The following COBL variants were observed in gnomAD, a reference collection of about 807,000 sequenced individuals.
COBL encodes the protein protein cordon-bleu.
A neutral mutation model predicts 98.8 loss-of-function variants in COBL; 51 were observed. That is an observed-to-expected ratio of 0.52 (90% CI 0.41 to 0.65). COBL has a LOEUF of 0.65. COBL is among the 30% of genes least tolerant of loss of function. The probability of loss-of-function intolerance (pLI) is 0.00; values close to 1 mark genes in which losing one functional copy is unlikely to be tolerated. For synonymous variants in COBL, 634 were observed against 651.7 expected (o/e 0.97, Z 0.41); for missense variants, 1,617 against 1,617.5 (o/e 1.00, Z 0.01).
intron 1 of COBL, among the ~76,000 whole-genome samples, chr7:51,296,197 T>C (rs915238887): frequency 6.6e-6 from 1 of 152,302 alleles, no homozygotes; most frequent in Non-Finnish European, 1.5e-5. Flanking sequence ...GGGACACCCA[T>C]GATATCAGCA....
intron 6 of COBL, among the ~76,000 whole-genome samples, chr7:51,119,480 G>A (rs944008691): frequency 1.3e-5 from 2 of 152,182 alleles, no homozygotes; most frequent in Non-Finnish European, 1.5e-5. Flanking sequence ...AAGGAGGAGG[G>A]AGCGAAGCTG....
intron 1 of COBL, among the ~76,000 whole-genome samples, chr7:51,314,094 T>C (rs925889280): frequency 6.6e-6 from 1 of 152,254 alleles, no homozygotes; most frequent in African/African-American, 2.4e-5. Context: ...AACTACCTGT[T>C]AATAATTTAG....
intron 1 of COBL, among the ~76,000 whole-genome samples, chr7:51,236,929 A>G (rs1795312857): frequency 6.6e-6 from 1 of 152,156 alleles, no homozygotes; most frequent in African/African-American, 2.4e-5. Context: ...TCGCCTCTTC[A>G]CAGCTGAGCT....
At chr7:51,149,608 T>C (rs1326616524) in intron 5 of COBL, among the ~76,000 whole-genome samples, 2 of 152,176 alleles carry the variant, frequency 1.3e-5, no homozygotes, top group African/African-American at 4.8e-5. Context: ...TGTCTTTTTG[T>C]TTTGTATTTT....
intron 7 of COBL, among the ~76,000 whole-genome samples, chr7:51,060,110 C>T (rs1033071101): frequency 7.2e-5 from 11 of 152,186 alleles, no homozygotes; most frequent in Admixed American, 2.0e-4. Context: ...ACAGCAGTGC[C>T]TCCTCCAGGT....
intron 1 of COBL, among the ~76,000 whole-genome samples, chr7:51,298,622 A>G (rs1172125942): frequency 1.3e-5 from 2 of 152,190 alleles, no homozygotes; most frequent in African/African-American, 4.8e-5. Flanking sequence ...AGGGAAAGAA[A>G]TGCTTGCCCA....
At chr7:51,267,182 A>G (rs1798296884) in intron 1 of COBL, among the ~76,000 whole-genome samples, 1 of 152,178 alleles carries the variant, frequency 6.6e-6, no homozygotes, top group Non-Finnish European at 1.5e-5. Flanking sequence ...AGTAAATAAA[A>G]ATCTGAAACC....
At chr7:51,263,374 G>C (rs184138386) in intron 1 of COBL, among the ~76,000 whole-genome samples, 1 of 152,180 alleles carries the variant, frequency 6.6e-6, no homozygotes. Flanking sequence ...GAAGATAAAT[G>C]GTCAGTGGGA....
At chr7:51,033,501 T>C (rs1341816661) in intron 8 of COBL, 1 of 152,248 alleles carries the variant, frequency 6.6e-6, no homozygotes, top group African/African-American at 2.4e-5. Context: ...GCATGTTATG[T>C]GAAGAAATCA....
At chr7:51,283,111 T>C (rs1021037073) in intron 1 of COBL, among the ~76,000 whole-genome samples, 10 of 151,954 alleles carry the variant, frequency 6.6e-5, no homozygotes, top group African/African-American at 2.4e-4. Context: ...TCCATTTAAA[T>C]CAAATTTGAA....
At chr7:51,258,693 TAA>T (rs1329818897) in intron 1 of COBL, among the ~76,000 whole-genome samples, 1 of 152,220 alleles carries the variant, frequency 6.6e-6, no homozygotes, top group African/African-American at 2.4e-5. Context: ...GTGTGGCACT[TAA>T]GAGTAATAAC....
At chr7:51,120,649 C>G (rs764919584) in intron 6 of COBL, among the ~76,000 whole-genome samples, 50 of 152,096 alleles carry the variant, frequency 3.3e-4, no homozygotes, top group Non-Finnish European at 2.5e-4. Flanking sequence ...TCCCACCCCC[C>G]AGGCCCTGGC....
intron 8 of COBL, among the ~76,000 whole-genome samples, chr7:51,040,616 T>C (rs183072783): frequency 3.5e-4 from 53 of 152,328 alleles, no homozygotes; most frequent in South Asian, 6.2e-4. Context: ...AAGGTAATGT[T>C]TGGCAAAATT....
intron 1 of COBL, among the ~76,000 whole-genome samples, chr7:51,292,973 A>G (rs1458253657): frequency 6.6e-6 from 1 of 152,254 alleles, no homozygotes; most frequent in Non-Finnish European, 1.5e-5. Flanking sequence ...ATAAGTTACT[A>G]AACACATGTG....
intron 8 of COBL, chr7:51,031,118 A>G (rs1349952638): frequency 5.2e-6 from 3 of 576,718 alleles, no homozygotes; most frequent in East Asian, 5.7e-5. Flanking sequence ...TATGTGTGGG[A>G]TGCGTGTAGC....
intron 3 of COBL, among the ~76,000 whole-genome samples, chr7:51,191,609 TAC>T (rs972522182): frequency 1.3e-5 from 2 of 151,550 alleles, no homozygotes; most frequent in Admixed American, 6.6e-5. Flanking sequence ...ATGAAACATA[TAC>T]AGTGTGTACA....
Position 51,016,782 on chromosome 7 carries a change from A to C in COBL, c.*769T>G. ...CCTATGTCACTTCATAGCCTGGGGAATGGCTGTCCATGTGGGGCACTGCCC... is the reference window on the plus strand; with the variant it reads ...CCTATGTCACTTCATAGCCTGGGGACTGGCTGTCCATGTGGGGCACTGCCC... On this transcript the variant is annotated 3_prime_UTR_variant, in exon 13 of 13. Coordinates refer to ENST00000265136, the MANE Select transcript of COBL (RefSeq NM_015198.5). 5.1e-6 allele frequency: 2 copies of C among 395,488 alleles called. No individual in the cohort carries two copies. The highest frequency in any genetic ancestry group is 8.9e-6 in the Non-Finnish European group (2 of 224,646). The allele number at this position is 395,488 out of a possible 1,614,324, so 24.5% of individuals were successfully genotyped here. A position where few individuals can be genotyped will look rare whatever the true frequency, so the allele number is the denominator to read the frequency against.
chr7:51,103,997 A>G (rs1003759744), intron 6 of COBL, among the ~76,000 whole-genome samples: 4 of 152,224 alleles, frequency 2.6e-5, no homozygotes, highest in African/African-American at 9.6e-5. Context: ...TTCCCTTTCC[A>G]CTAATCAATA....
At chr7:51,082,684 C>T (rs1235571681) in intron 7 of COBL, among the ~76,000 whole-genome samples, 1 of 152,178 alleles carries the variant, frequency 6.6e-6, no homozygotes, top group African/African-American at 2.4e-5. Context: ...TACAGGTGTG[C>T]CCACAGCCTG....
Sources: gnomAD v4.1 joint callset for allele counts (sites outside exome capture counted in the v4.1 genomes callset) on GRCh38, gnomAD v4.1.1 for gene constraint, MANE v1.5 for transcripts, NCBI Gene and HGNC (gene_info 2026-07-23, HGNC 2026-07-21) for gene names.